The following RHD variants were observed in gnomAD, a reference collection of about 807,000 sequenced individuals.
RHD encodes the protein Rh blood group D antigen.
A neutral mutation model predicts 45.5 loss-of-function variants in RHD; 16 were observed. The observed-to-expected ratio is 0.35, with a 90% confidence interval of 0.24 to 0.53. The LOEUF (loss-of-function observed/expected upper bound fraction) is 0.53. Among genes scored for constraint, RHD ranks in the 20% least tolerant of loss-of-function variants. The pLI is 0.92. For missense variants in RHD, 306 were observed against 532.0 expected, an observed-to-expected ratio of 0.58 and a Z score of 4.18; for synonymous variants, 131 against 217.5, an observed-to-expected ratio of 0.60 and a Z score of 3.50.
intron 2 of RHD, among the ~76,000 whole-genome samples, chr1:25,287,002 C>T (rs1273792463): frequency 3.1e-5 from 4 of 129,566 alleles, no homozygotes; most frequent in Admixed American, 1.5e-4. Context: ...CTGAGGCAGG[C>T]GAATCACTTG....
chr1:25,280,506 A>G lies in RHD; in HGVS notation c.149-4067A>G, dbSNP rs1319340831. 1.3e-4 allele frequency among the ~76,000 whole-genome samples: 17 copies of G among 126,240 alleles called. 2 individuals are homozygous for G. Among genetic ancestry groups the G allele is most frequent in the African/African-American group, 4.3e-4 (16 of 36,918 alleles). 82.8% of individuals were successfully genotyped at this position (126,240 alleles called of 152,430 possible). On this transcript the variant is annotated intron_variant, in intron 1 of 9. Coordinates refer to ENST00000328664, the MANE Select transcript of RHD (RefSeq NM_016124.6). ...TTTTTAGTAGAGACGGGGTTTCACC[A>G]TGTTGGCCAGGCTGGTCTCAAACTC...
chr1:25,314,713 A>C lies in RHD; in HGVS notation c.1074-2287A>C, dbSNP rs1269856406. Among the ~76,000 whole-genome samples the C allele has an allele frequency of 1.4e-4, 18 of 131,412 alleles. 3 individuals carry two copies. Among genetic ancestry groups the C allele is most frequent in the East Asian group, 7.8e-4 (4 of 5,098 alleles). 86.2% of individuals were successfully genotyped at this position (131,412 alleles called of 152,430 possible). A position where few individuals can be genotyped will look rare whatever the true frequency, so the allele number is the denominator to read the frequency against. ...TAGAGACAGGGTTTTGCCATGTTGG[A>C]CAGGCTGATCTTGGACTCCTGGCCT... On this transcript the variant is annotated intron_variant, in intron 7 of 9. Transcript: ENST00000328664.
intron 2 of RHD, among the ~76,000 whole-genome samples, chr1:25,286,158 C>T (rs1641968168): frequency 1.5e-5 from 2 of 135,034 alleles, no homozygotes; most frequent in South Asian, 4.4e-4. Context: ...TCCCGATTGG[C>T]CCTGGAGGGA....
rs1410663095 is a variant in RHD at position 25,304,539 on chromosome 1, A to G, written c.939+1080A>G. ...CTTGAACCTGGGAGACAGAGCTTGC[A>G]GTGAGCTGAAATCGTGCCATGGCAC... On this transcript the variant is annotated intron_variant, in intron 6 of 9. Transcript: ENST00000328664. The G allele has an allele frequency of 1.5e-5, 2 of 129,182 alleles. 1 individual carries two copies. The highest frequency in any genetic ancestry group is 1.5e-4 in the Admixed American group (2 of 13,362). The allele number at this position is 129,182 out of a possible 1,614,324, so 8.0% of individuals were successfully genotyped here.
rs1642354445 is a variant in RHD, at chr1:25,290,043, T to A, written c.336-598T>A. ...CACCAACATGGGATACGTTTGATCATCATTCTTAATTTGCAGAAGGAGAAA... is the reference window on the plus strand; with the variant it reads ...CACCAACATGGGATACGTTTGATCAACATTCTTAATTTGCAGAAGGAGAAA... On this transcript the variant is annotated intron_variant, in intron 2 of 9. Transcript: ENST00000328664. Among the ~76,000 whole-genome samples, 2 of 125,020 alleles carry A rather than the reference T, an allele frequency of 1.6e-5. 1 individual carries two copies. The highest frequency in any genetic ancestry group is 5.6e-5 in the African/African-American group (2 of 36,018). 82.0% of individuals were successfully genotyped at this position (125,020 alleles called of 152,430 possible). A position where few individuals can be genotyped will look rare whatever the true frequency, so the allele number is the denominator to read the frequency against.
At chr1:25,274,262 C>G (rs1335187970) in intron 1 of RHD, among the ~76,000 whole-genome samples, 1 of 132,026 alleles carries the variant, frequency 7.6e-6, no homozygotes, top group East Asian at 1.9e-4. Flanking sequence ...CCCACGGTCG[C>G]TCAGCTAGCA....
In RHD at chr1:25,301,554, C is replaced by A; in HGVS notation, c.669C>A (p.Phe223Leu). Residue 223 changes from phenylalanine to leucine, a missense_variant, in exon 5 of 10, where the codon TTC becomes TTA. Phe to Leu is a conservative substitution (Grantham distance 22). Coordinates refer to ENST00000328664, the MANE Select transcript of RHD (RefSeq NM_016124.6). The stretch of plus-strand genomic sequence containing the variant: ...TCTTGTGGATGTTCTGGCCAAGTTT[C>A]AACTCTGCTCTGCTGAGAAGTCCAA... ...ALFLWMFWPSFNSALLRSPIE... is the reference protein window; with the variant it reads ...ALFLWMFWPSLNSALLRSPIE... 7.2e-7 allele frequency: 1 copy of A among 1,379,336 alleles called. No individual in the cohort carries two copies. Among genetic ancestry groups the A allele is most frequent in the Middle Eastern group, 1.8e-4 (1 of 5,502 alleles). The allele number at this position is 1,379,336 out of a possible 1,614,324, so 85.4% of individuals were successfully genotyped here.
intron 8 of RHD, among the ~76,000 whole-genome samples, chr1:25,317,895 G>T (rs559156565): frequency 8.6e-6 from 1 of 115,958 alleles, no homozygotes; most frequent in East Asian, 2.0e-4. Flanking sequence ...GTGAGGAGCA[G>T]GCCCTTATAA....
In RHD at chr1:25,315,250, A is replaced by C. The variant is rs370274495; in HGVS notation, c.1074-1750A>C. The stretch of plus-strand genomic sequence containing the variant: ...AGATCAATGAATTGAGTAATTGACT[A>C]CATTTTTCAGTCATTCAACAAATAT... On this transcript the variant is annotated intron_variant, in intron 7 of 9. Transcript: ENST00000328664. 1.1e-4 allele frequency among the ~76,000 whole-genome samples: 14 copies of C among 130,068 alleles called. 4 individuals are homozygous for C. The highest frequency in any genetic ancestry group is 4.7e-4 in the South Asian group (2 of 4,286). 85.3% of individuals were successfully genotyped at this position (130,068 alleles called of 152,430 possible).
chr1:25,292,337 G>A (rs1642578841), intron 3 of RHD, among the ~76,000 whole-genome samples: 1 of 132,478 alleles, frequency 7.5e-6, no homozygotes, highest in Admixed American at 7.4e-5. Flanking sequence ...AAGACTGAAG[G>A]GGCAAGAGAG....
chr1:25,279,143 C>T lies in RHD; in HGVS notation c.149-5430C>T, dbSNP rs567514348. On this transcript the variant is annotated intron_variant, in intron 1 of 9. Transcript: ENST00000328664. ...GAAGGCCAAAGTGCTGTTATCCAAA[C>T]GAACTCTTTGCAAGTGGTCTCTTTG... Among the ~76,000 whole-genome samples the T allele has an allele frequency of 2.3e-4, 29 of 125,898 alleles. 6 individuals are homozygous for T. The highest frequency in any genetic ancestry group is 2.7e-4 in the African/African-American group (10 of 36,458). The allele number at this position is 125,898 out of a possible 152,430, so 82.6% of individuals were successfully genotyped here. A position where few individuals can be genotyped will look rare whatever the true frequency, so the allele number is the denominator to read the frequency against.
In RHD at chr1:25,282,103, C is replaced by T. The variant is rs1281719195; in HGVS notation, c.149-2470C>T. On this transcript the variant is annotated intron_variant, in intron 1 of 9. Coordinates refer to ENST00000328664, the MANE Select transcript of RHD (RefSeq NM_016124.6). ...TCCATGTGCCAGTCACTGTACTAAA[C>T]ATTATTTCCTTTGGATTTCCCAGAA... Among the ~76,000 whole-genome samples, 7 of 132,310 alleles carry T rather than the reference C, an allele frequency of 5.3e-5. 3 individuals are homozygous for T. Among genetic ancestry groups the T allele is most frequent in the South Asian group, 4.6e-4 (2 of 4,306 alleles). 86.8% of individuals were successfully genotyped at this position (132,310 alleles called of 152,430 possible). A position where few individuals can be genotyped will look rare whatever the true frequency, so the allele number is the denominator to read the frequency against.
At position 25,309,459 on chromosome 1, in the gene RHD, G is replaced by A. The variant is rs188240986; in HGVS notation, c.1073+2730G>A. Reference sequence around the variant, plus strand: ...ATTTTAGCAACATTTTGTTTTCATTGTATCTCTTTTTACAGCTACCTCCCA... The same window carrying A: ...ATTTTAGCAACATTTTGTTTTCATTATATCTCTTTTTACAGCTACCTCCCA... On this transcript the variant is annotated intron_variant, in intron 7 of 9. Transcript: ENST00000328664. Among the ~76,000 whole-genome samples the A allele has an allele frequency of 3.0e-5, 4 of 131,476 alleles. 1 individual carries two copies. Among genetic ancestry groups the A allele is most frequent in the African/African-American group, 1.1e-4 (4 of 37,994 alleles). 86.3% of individuals were successfully genotyped at this position (131,476 alleles called of 152,430 possible).
At chr1:25,299,688 T>C (rs1347220090) in intron 3 of RHD, among the ~76,000 whole-genome samples, 3 of 132,128 alleles carry the variant, frequency 2.3e-5, no homozygotes, top group Non-Finnish European at 5.4e-5. Context: ...GACCTTGACT[T>C]TGAGTGACAT....
chr1:25,275,446 T>C (rs1470795622), intron 1 of RHD, among the ~76,000 whole-genome samples: 2 of 131,596 alleles, frequency 1.5e-5, no homozygotes, highest in East Asian at 2.0e-4. Flanking sequence ...CCAGGGCTGG[T>C]GTTGGGCACA....
Position 25,307,381 on chromosome 1 carries a change from T to C in RHD, c.1073+652T>C, listed in dbSNP as rs1443275234. ...AGCCCTAGCCATTACTTCCTGGATG[T>C]TGTGTGAATATTTTCTGGACATGGC... On this transcript the variant is annotated intron_variant, in intron 7 of 9. Coordinates refer to ENST00000328664, the MANE Select transcript of RHD (RefSeq NM_016124.6). Among the ~76,000 whole-genome samples the C allele has an allele frequency of 1.5e-5, 2 of 131,494 alleles. 1 individual carries two copies. The highest frequency in any genetic ancestry group is 3.9e-4 in the East Asian group (2 of 5,114). The allele number at this position is 131,494 out of a possible 152,430, so 86.3% of individuals were successfully genotyped here. A position where few individuals can be genotyped will look rare whatever the true frequency, so the allele number is the denominator to read the frequency against.
At chr1:25,300,832 A>G (rs150253021) in intron 3 of RHD, 114 bp from the exon 4 acceptor site, 35,510 of 1,173,480 alleles carry the variant, frequency 0.03, 8,484 homozygotes, top group South Asian at 0.058. Flanking sequence ...CACCAGTCTC[A>G]TGGCTTCAAG....
chr1:25,272,831 A>G lies in RHD; in HGVS notation c.148+136A>G, dbSNP rs903894192. 4.5e-6 allele frequency: 5 copies of G among 1,123,166 alleles called. 1 individual carries two copies. The African/African-American group carries it at 6.0e-5, about 13-fold the overall frequency. The allele number at this position is 1,123,166 out of a possible 1,614,324, so 69.6% of individuals were successfully genotyped here. A position where few individuals can be genotyped will look rare whatever the true frequency, so the allele number is the denominator to read the frequency against. ...AAAAGATTCCCCCATCTTCTTCCGTAGATTGCACCGAAATTCAGCCAACAA... is the reference window on the plus strand; with the variant it reads ...AAAAGATTCCCCCATCTTCTTCCGTGGATTGCACCGAAATTCAGCCAACAA... On this transcript the variant is annotated intron_variant, in intron 1 of 9. Transcript: ENST00000328664.
chr1:25,305,006 A>G (rs1157140753), intron 6 of RHD, among the ~76,000 whole-genome samples: 1 of 132,618 alleles, frequency 7.5e-6, no homozygotes, highest in Admixed American at 7.3e-5. Context: ...CATACGTTTT[A>G]ACACTCATCT....
Sources: gnomAD v4.1 joint callset for allele counts (sites outside exome capture counted in the v4.1 genomes callset) on GRCh38, gnomAD v4.1.1 for gene constraint, MANE v1.5 for transcripts, NCBI Gene and HGNC (gene_info 2026-07-23, HGNC 2026-07-21) for gene names.